The following KANTR variants were observed in gnomAD, a reference collection of about 807,000 sequenced individuals.
The protein encoded by KANTR is KANTR integral membrane protein, also known as KDM5C adjacent transcript.
At chrX:53,121,048 G>T (rs1215478098) in intron 2 of KANTR, among the ~76,000 whole-genome samples, 1 of 109,892 alleles carries the variant, frequency 9.1e-6, no homozygotes, top group Non-Finnish European at 1.9e-5. Flanking sequence ...TCCTAGTCTG[G>T]AGTGCAGTGG....
At chrX:53,142,314 A>G (rs1293249083) in exon 3 of KANTR, 1 of 89,473 alleles carries the variant, frequency 1.1e-5, no homozygotes, top group Non-Finnish European at 2.0e-5. Flanking sequence ...CTTTCTGTGT[A>G]TGTTTTTTTT....
Position 53,117,680 on chromosome X carries a change from G to T in KANTR, c.-804-5789G>T, listed in dbSNP as rs187084480. Among the ~76,000 whole-genome samples the T allele has an allele frequency of 3.3e-4, 33 of 99,714 alleles. No individual in the cohort carries two copies. In the East Asian group the frequency reaches 0.01, roughly 32 times the overall value. 86.6% of individuals were successfully genotyped at this position (99,714 alleles called of 115,157 possible). On this transcript the variant is annotated intron_variant, in intron 2 of 2. Coordinates refer to ENST00000604062, the Ensembl canonical transcript of KANTR. ...GCCCAGGCTGTAGTGCAGTGCAATG[G>T]TGTGATCTCGGCTCACTGTAACCTC...
At chrX:53,130,040 T>C (rs1933341957), downstream of KANTR, among the ~76,000 whole-genome samples, 1 of 109,988 alleles carries the variant, frequency 9.1e-6, no homozygotes, top group East Asian at 2.8e-4. Flanking sequence ...ATAATTTTTG[T>C]ATTTTTAGTA....
At chrX:53,110,399 A>G (rs1933015112) in intron 2 of KANTR, among the ~76,000 whole-genome samples, 2 of 111,845 alleles carry the variant, frequency 1.8e-5, no homozygotes, top group Non-Finnish European at 3.8e-5. Context: ...ATCTATTGAC[A>G]TATGGTTTTT....
chrX:53,104,743 C>A (rs906712848), intron 2 of KANTR, among the ~76,000 whole-genome samples: 7 of 111,841 alleles, frequency 6.3e-5, no homozygotes, highest in Admixed American at 9.6e-5. Flanking sequence ...TCATTCCTTC[C>A]TATTGTCAAA....
chrX:53,100,528 G>A (rs1305414493), intron 2 of KANTR, among the ~76,000 whole-genome samples: 3 of 109,784 alleles, frequency 2.7e-5, no homozygotes, highest in East Asian at 2.8e-4. Flanking sequence ...GGCCGGGTGC[G>A]GTGGCTCACG....
chrX:53,144,669 GA>G (rs368748373), downstream of KANTR, among the ~76,000 whole-genome samples: 10 of 105,169 alleles, frequency 9.5e-5, no homozygotes, highest in East Asian at 5.9e-4. Context: ...GTAAAGAAAA[GA>G]AAAAAAAAAG....
At chrX:53,145,548 G>A (rs951411469), downstream of KANTR, among the ~76,000 whole-genome samples, 20 of 112,227 alleles carry the variant, frequency 1.8e-4, no homozygotes, top group Admixed American at 8.5e-4. Flanking sequence ...AGGCCTGCCT[G>A]TCTCTGTAGA....
At chrX:53,124,070 T>TTGTG in exon 3 of KANTR, 2 of 256,996 alleles carry the variant, frequency 7.8e-6, no homozygotes. Flanking sequence ...TATTTTTTGT[T>TTGTG]TGTTTGTTTG....
chrX:53,096,257 A>G (rs1022464101), intron 1 of KANTR, among the ~76,000 whole-genome samples: 2 of 111,973 alleles, frequency 1.8e-5, no homozygotes, highest in Non-Finnish European at 3.8e-5. Flanking sequence ...AAGGGCAGGG[A>G]TTTTTGTCTT....
At chrX:53,146,551 T>G (rs1312404781), downstream of KANTR, among the ~76,000 whole-genome samples, 4 of 111,941 alleles carry the variant, frequency 3.6e-5, no homozygotes, top group Non-Finnish European at 5.6e-5. Context: ...TGGAACCAAG[T>G]TGGAAAACAC....
At chrX:53,095,983 CAG>C (rs1193757683) in intron 1 of KANTR, among the ~76,000 whole-genome samples, 3 of 110,959 alleles carry the variant, frequency 2.7e-5, no homozygotes, top group Non-Finnish European at 5.7e-5. Context: ...ACTTCCGCCT[CAG>C]GGGTTTTGCA....
intron 2 of KANTR, among the ~76,000 whole-genome samples, chrX:53,140,121 A>G (rs1556818263): frequency 8.9e-6 from 1 of 112,414 alleles, no homozygotes; most frequent in African/African-American, 3.2e-5. Context: ...AGGACCTACA[A>G]ACCCTCCTGC....
At chrX:53,126,085 G>A (rs782487844) in exon 3 of KANTR, 1 of 110,554 alleles carries the variant, frequency 9.0e-6, no homozygotes, top group Non-Finnish European at 1.9e-5. Flanking sequence ...TTTTGTGTGT[G>A]TGTGTAGTAG....
exon 3 of KANTR, chrX:53,125,926 A>G (rs1488307881): frequency 9.5e-6 from 1 of 105,108 alleles, no homozygotes; most frequent in South Asian, 4.0e-4. Flanking sequence ...AGTCTTTCTT[A>G]TATGTAAATG....
chrX:53,121,599 GTTT>G (rs56168536), intron 2 of KANTR, among the ~76,000 whole-genome samples: 3 of 100,922 alleles, frequency 3.0e-5, no homozygotes, highest in Non-Finnish European at 6.0e-5. Context: ...GTCTGTTCTT[GTTT>G]TTTTTTTTTG....
rs189298355 is a variant in KANTR at position 53,101,723 on chromosome X, T to A, written c.-805+2115T>A. Among the ~76,000 whole-genome samples the A allele has an allele frequency of 8.2e-4, 90 of 110,164 alleles. No homozygotes were observed. In the Middle Eastern group the frequency reaches 0.015, roughly 18 times the overall value. ...CCAAAGATCACTGATCTAGGCGGGG[T>A]GCGGTAGCTCACGCCTGTAATCCCA... On this transcript the variant is annotated intron_variant, in intron 2 of 2. Coordinates refer to ENST00000604062, the Ensembl canonical transcript of KANTR.
chrX:53,095,849 A>G (rs1932841583), intron 1 of KANTR, among the ~76,000 whole-genome samples: 1 of 111,036 alleles, frequency 9.0e-6, no homozygotes, highest in Non-Finnish European at 1.9e-5. Context: ...AAAAATCAGT[A>G]TATATTAATA....
At chrX:53,121,056 T>G (rs1211535472) in intron 2 of KANTR, among the ~76,000 whole-genome samples, 1 of 110,757 alleles carries the variant, frequency 9.0e-6, no homozygotes, top group Non-Finnish European at 1.9e-5. Flanking sequence ...TGGAGTGCAG[T>G]GGCGCCATCT....
Sources: gnomAD v4.1 joint callset for allele counts (sites outside exome capture counted in the v4.1 genomes callset) on GRCh38, gnomAD v4.1.1 for gene constraint, MANE v1.5 for transcripts, NCBI Gene and HGNC (gene_info 2026-07-23, HGNC 2026-07-21) for gene names.